RBMS2: variants seen among roughly 807,000 people sequenced by gnomAD.
RBMS2 encodes the protein RNA binding motif single stranded interacting protein 2.
A neutral mutation model predicts 58.4 loss-of-function variants in RBMS2; 38 were observed. The observed-to-expected ratio is 0.65, with a 90% CI of 0.50 to 0.85. The LOEUF (loss-of-function observed/expected upper bound fraction) is 0.85, where lower values mean the gene tolerates loss of function less well. RBMS2 is among the 40% of genes least tolerant of loss of function. The pLI is 0.00. For missense variants in RBMS2, 367 were observed against 503.7 expected, an observed-to-expected ratio of 0.73 and a Z score of 2.60; for synonymous variants, 151 against 180.7, an observed-to-expected ratio of 0.84 and a Z score of 1.32.
rs752275328 is a variant in RBMS2, at chr12:56,589,467, G to A, written c.*334G>A. On this transcript the variant is annotated 3_prime_UTR_variant, in exon 14 of 14. Coordinates refer to ENST00000262031, the MANE Select transcript of RBMS2 (RefSeq NM_002898.4). The stretch of plus-strand genomic sequence containing the variant: ...CCTACCTTGAAGAGACATGGTGGTC[G>A]CAGCTTCTCATCTATATGAAAAAGT... The A allele has an allele frequency of 1.6e-4, 54 of 334,334 alleles. No homozygotes were observed. Among genetic ancestry groups the A allele is most frequent in the Non-Finnish European group, 2.3e-4 (48 of 204,604 alleles). 20.7% of individuals were successfully genotyped at this position (334,334 alleles called of 1,614,324 possible).
At position 56,586,946 on chromosome 12, in the gene RBMS2, C is replaced by G. The variant is rs767849956; in HGVS notation, c.951+20C>G. ...CCTTCAGTGAGTATTCAGAAGTGGG[C>G]AGAAGCCAAAGAGGCAATTTGATGT... On this transcript the variant is annotated intron_variant, in intron 10 of 13. Coordinates refer to ENST00000262031, the MANE Select transcript of RBMS2 (RefSeq NM_002898.4). The G allele has an allele frequency of 2.5e-6, 4 of 1,603,598 alleles. No individual in the cohort carries two copies. The highest frequency in any genetic ancestry group is 3.4e-6 in the Non-Finnish European group (4 of 1,170,518).
chr12:56,564,906 A>G lies in RBMS2; in HGVS notation c.233+2323A>G, dbSNP rs145340212. 1.6e-3 allele frequency among the ~76,000 whole-genome samples: 243 copies of G among 152,266 alleles called. 6 individuals carry two copies. The East Asian group carries it at 0.041, about 25-fold the overall frequency. On this transcript the variant is annotated intron_variant, in intron 2 of 13. Coordinates refer to ENST00000262031, the MANE Select transcript of RBMS2 (RefSeq NM_002898.4). ...GAAGAATCTCTTGAACCCAGAAAGC[A>G]GACGTTGCAGTGAGCCGAGATCACG...
At chr12:56,541,116 C>A (rs1347989143) in intron 1 of RBMS2, among the ~76,000 whole-genome samples, 33 of 130,886 alleles carry the variant, frequency 2.5e-4, no homozygotes, top group East Asian at 6.6e-4. Flanking sequence ...AAAAAAAAAA[C>A]CCCAAAACCG....
intron 1 of RBMS2, among the ~76,000 whole-genome samples, chr12:56,537,974 G>A (rs1191815964): frequency 6.6e-6 from 1 of 151,236 alleles, no homozygotes; most frequent in East Asian, 1.9e-4. Context: ...AATGTCATTT[G>A]TAAATCTTCT....
chr12:56,580,848 T>C (rs1404533549), intron 5 of RBMS2, among the ~76,000 whole-genome samples: 1 of 152,220 alleles, frequency 6.6e-6, no homozygotes, highest in African/African-American at 2.4e-5. Context: ...ACAATTTTCA[T>C]TCAGAATTTT....
chr12:56,530,498 C>A (rs980222800), intron 1 of RBMS2, among the ~76,000 whole-genome samples: 2 of 151,406 alleles, frequency 1.3e-5, no homozygotes, highest in African/African-American at 4.9e-5. Flanking sequence ...GTAGCTGGGA[C>A]TACTGGCTCA....
chr12:56,567,542 A>G (rs1488424140), intron 2 of RBMS2, among the ~76,000 whole-genome samples: 1 of 152,164 alleles, frequency 6.6e-6, no homozygotes, highest in Non-Finnish European at 1.5e-5. Flanking sequence ...TGTTTATAAG[A>G]TGATTTTCTT....
intron 1 of RBMS2, among the ~76,000 whole-genome samples, chr12:56,552,846 A>T (rs1419606504): frequency 6.6e-6 from 1 of 151,958 alleles, no homozygotes; most frequent in Admixed American, 6.6e-5. Context: ...TGTCTCAAAA[A>T]ATAAATAAAA....
intron 1 of RBMS2, among the ~76,000 whole-genome samples, chr12:56,545,242 T>C (rs1876944827): frequency 6.6e-6 from 1 of 152,212 alleles, no homozygotes; most frequent in South Asian, 2.1e-4. Flanking sequence ...AAATACATTA[T>C]TTTGTTCCTT....
chr12:56,532,682 C>A (rs1873989481), intron 1 of RBMS2, among the ~76,000 whole-genome samples: 1 of 152,044 alleles, frequency 6.6e-6, no homozygotes, highest in Non-Finnish European at 1.5e-5. Flanking sequence ...TTGCTGTCTC[C>A]AATTTATTTC....
chr12:56,566,196 T>C (rs537745452), intron 2 of RBMS2, among the ~76,000 whole-genome samples: 1 of 152,270 alleles, frequency 6.6e-6, no homozygotes, highest in South Asian at 2.1e-4. Flanking sequence ...ACTAAAAAAG[T>C]CAGTGAGATG....
At chr12:56,544,766 TTC>T (rs1274886425) in intron 1 of RBMS2, among the ~76,000 whole-genome samples, 20 of 138,482 alleles carry the variant, frequency 1.4e-4, no homozygotes, top group Non-Finnish European at 2.8e-4. Flanking sequence ...TTTTTTTTTT[TTC>T]TTTTTTGTAG....
At chr12:56,582,939 C>T (rs957500337) in intron 9 of RBMS2, among the ~76,000 whole-genome samples, 3 of 151,958 alleles carry the variant, frequency 2.0e-5, no homozygotes, top group Non-Finnish European at 2.9e-5. Context: ...CAAAGTGCTG[C>T]GCCACGCCCA....
intron 2 of RBMS2, among the ~76,000 whole-genome samples, chr12:56,565,543 C>T (rs917631400): frequency 6.6e-6 from 1 of 152,052 alleles, no homozygotes; most frequent in African/African-American, 2.4e-5. Context: ...TAAGTATAGT[C>T]AAGGGCAGCA....
At chr12:56,553,985 C>A (rs1033771698) in intron 1 of RBMS2, among the ~76,000 whole-genome samples, 1 of 151,736 alleles carries the variant, frequency 6.6e-6, no homozygotes. Flanking sequence ...CCACTATGCT[C>A]GACTAATTTT....
intron 1 of RBMS2, among the ~76,000 whole-genome samples, chr12:56,529,575 CAAT>C (rs1168388298): frequency 1.3e-5 from 2 of 149,072 alleles, no homozygotes; most frequent in Non-Finnish European, 1.5e-5. Flanking sequence ...ACAACAACAA[CAAT>C]AACAACAACA....
intron 1 of RBMS2, among the ~76,000 whole-genome samples, chr12:56,529,111 T>C (rs1234896240): frequency 1.3e-5 from 2 of 152,108 alleles, no homozygotes; most frequent in Non-Finnish European, 2.9e-5. Context: ...AAACATATGT[T>C]ACACAAAGAC....
intron 1 of RBMS2, chr12:56,539,850 C>A: frequency 3.8e-6 from 1 of 262,744 alleles, no homozygotes; most frequent in Non-Finnish European, 7.6e-6. Context: ...CATAAACCTT[C>A]TAAAAACTGA....
At chr12:56,537,064 G>A (rs1008440963) in intron 1 of RBMS2, among the ~76,000 whole-genome samples, 1 of 151,768 alleles carries the variant, frequency 6.6e-6, no homozygotes, top group Non-Finnish European at 1.5e-5. Flanking sequence ...GGGATTACGG[G>A]CACCTGCCAT....
Sources: gnomAD v4.1 joint callset for allele counts (sites outside exome capture counted in the v4.1 genomes callset) on GRCh38, gnomAD v4.1.1 for gene constraint, MANE v1.5 for transcripts, NCBI Gene and HGNC (gene_info 2026-07-23, HGNC 2026-07-21) for gene names.